SEL1L: variants seen among roughly 807,000 people sequenced by gnomAD.
SEL1L encodes SEL1L adaptor subunit of SYVN1 ubiquitin ligase.
Under a neutral mutation model 109.8 loss-of-function variants are expected in SEL1L, and 52 were observed. That is an observed-to-expected ratio of 0.47 (90% CI 0.38 to 0.60). The LOEUF (loss-of-function observed/expected upper bound fraction) is 0.60, where lower values mean the gene tolerates loss of function less well. Among genes scored for constraint, SEL1L ranks in the 20% least tolerant of loss-of-function variants. The pLI, the probability that SEL1L is intolerant of heterozygous loss-of-function variation, is 0.00. For synonymous variants in SEL1L, 373 were observed against 339.6 expected, an observed-to-expected ratio of 1.10 and a Z score of -1.08; for missense variants, 749 against 962.2, an observed-to-expected ratio of 0.78 and a Z score of 2.93.
chr14:81,515,155 A>C (rs1884649849), intron 3 of SEL1L, among the ~76,000 whole-genome samples: 1 of 151,754 alleles, frequency 6.6e-6, no homozygotes, highest in South Asian at 2.1e-4. Context: ...AGGACCACAA[A>C]CCCCCACAGG....
rs1885167081 is a variant in SEL1L at position 81,527,715 on chromosome 14, A to G, written c.94T>C (p.Ser32Pro). The G allele has an allele frequency of 6.2e-7, 1 of 1,603,838 alleles. No individual in the cohort carries two copies. The highest frequency in any genetic ancestry group is 1.7e-5 in the Admixed American group (1 of 58,614). ...TTAGTACATACCTTGGAATCTAAGG[A>G]TTCATCCTGGCTGCCTTCTTCATCT... The part of the protein sequence containing the change: ...SSDEEGSQDE[S>P]LDSKTTLTSD... The change falls in exon 2 of 21, where the codon TCC (serine) becomes CCC (proline). Residue 32 changes from serine (S) to proline (P), a missense_variant. This residue lies in a region of SEL1L where 366 missense variants were observed against 399.8 expected (regional missense o/e 0.92). Transcript: ENST00000336735.
Position 81,533,631 on chromosome 14 carries a change from G to A in SEL1L, c.70+44C>T, listed in dbSNP as rs368668027. 1.1e-4 allele frequency: 174 copies of A among 1,590,776 alleles called. No homozygotes were observed. In the African/African-American group the frequency reaches 2.1e-3, roughly 19 times the overall value. The stretch of plus-strand genomic sequence containing the variant: ...GGCCCCGCCGGCTGTAGAGGCTGGG[G>A]GGCGGAGGCTCTGGGCCTTCAGCCC... On this transcript the variant is annotated intron_variant, in intron 1 of 20. Coordinates refer to ENST00000336735, the MANE Select transcript of SEL1L (RefSeq NM_005065.6).
In SEL1L at chr14:81,490,447, C is replaced by G. The variant is rs753892288; in HGVS notation, c.1273G>C (p.Asp425His). The change falls in exon 13 of 21, where the codon GAC (aspartate) becomes CAC (histidine). Residue 425 changes from aspartate (D) to histidine (H), a missense_variant. By Grantham distance (81) the Asp-to-His change is moderately conservative. Coordinates refer to ENST00000336735, the MANE Select transcript of SEL1L (RefSeq NM_005065.6). ...FLGKMYSEGS[D>H]IVPQSNETAL... ...GTCTCATTACTCTGAGGTACAATGTCACTTCCTTCCGAATACATCTGGAAA... is the reference window on the plus strand; with the variant it reads ...GTCTCATTACTCTGAGGTACAATGTGACTTCCTTCCGAATACATCTGGAAA... The G allele has an allele frequency of 2.2e-5, 35 of 1,613,540 alleles. No individual in the cohort carries two copies. Among genetic ancestry groups the G allele is most frequent in the Non-Finnish European group, 2.9e-5 (34 of 1,179,600 alleles).
At chr14:81,479,566 C>CCTT in intron 20 of SEL1L, 46 bp downstream of exon 20, 1 of 1,574,026 alleles carries the variant, frequency 6.4e-7, no homozygotes. Flanking sequence ...CCAGGACAGA[C>CCTT]CTTCCATCAT....
rs117715847 is a variant in SEL1L at position 81,531,297 on chromosome 14, C to G, written c.70+2378G>C. On this transcript the variant is annotated intron_variant, in intron 1 of 20. Coordinates refer to ENST00000336735, the MANE Select transcript of SEL1L (RefSeq NM_005065.6). Reference sequence around the variant, plus strand: ...TGTGACTATATCATATTTTTACATGCTTCTAAAACATGATACTAGCTAACA... The same window carrying G: ...TGTGACTATATCATATTTTTACATGGTTCTAAAACATGATACTAGCTAACA... Among the ~76,000 whole-genome samples, 261 of 152,306 alleles carry G rather than the reference C, an allele frequency of 1.7e-3. 2 individuals carry two copies. Among genetic ancestry groups the G allele is most frequent in the East Asian group, 0.016 (83 of 5,188 alleles).
intron 1 of SEL1L, among the ~76,000 whole-genome samples, chr14:81,533,103 C>T (rs917329024): frequency 6.6e-6 from 1 of 152,176 alleles, no homozygotes; most frequent in Non-Finnish European, 1.5e-5. Flanking sequence ...AACTCAGAAA[C>T]ACTGTGACAG....
intron 11 of SEL1L, among the ~76,000 whole-genome samples, chr14:81,494,225 A>C (rs1034363322): frequency 6.6e-6 from 1 of 152,182 alleles, no homozygotes; most frequent in African/African-American, 2.4e-5. Context: ...GTTGCTTAAG[A>C]TATCAGCTCC....
intron 5 of SEL1L, among the ~76,000 whole-genome samples, chr14:81,503,331 AC>A (rs575052888): frequency 2.2e-4 from 33 of 152,012 alleles, no homozygotes; most frequent in African/African-American, 6.5e-4. Flanking sequence ...CATGTAAAAA[AC>A]ATCCCTTTTT....
intron 3 of SEL1L, among the ~76,000 whole-genome samples, chr14:81,517,542 T>G (rs1167563985): frequency 6.6e-6 from 1 of 152,084 alleles, no homozygotes; most frequent in African/African-American, 2.4e-5. Context: ...CCACCTCCCT[T>G]CCTCCACTGC....
Position 81,481,903 on chromosome 14 carries a change from C to A in SEL1L, c.2047-2163G>T, listed in dbSNP as rs544370510. Among the ~76,000 whole-genome samples the A allele has an allele frequency of 2.0e-5, 3 of 152,018 alleles. No individual in the cohort carries two copies. In the South Asian group the frequency reaches 6.2e-4, roughly 32 times the overall value. On this transcript the variant is annotated intron_variant, in intron 19 of 20. Transcript: ENST00000336735. ...AAAATTAGCCGGGCGTGGTGGCAGG[C>A]GCCTGTAATCCCAGCTACTCGGGAG...
chr14:81,492,677 C>A (rs1883593303), intron 11 of SEL1L, 129 bp from the exon 12 acceptor site: 7 of 597,608 alleles, frequency 1.2e-5, no homozygotes, highest in South Asian at 9.5e-5. Context: ...AACAAGAATA[C>A]CCAGTTGCCA....
rs548766514 is a variant in SEL1L at position 81,529,313 on chromosome 14, A to C, written c.71-1575T>G. 1.3e-3 allele frequency among the ~76,000 whole-genome samples: 199 copies of C among 152,324 alleles called. 3 individuals are homozygous for C. The highest frequency in any genetic ancestry group is 2.1e-3 in the Non-Finnish European group (145 of 68,008). On this transcript the variant is annotated intron_variant, in intron 1 of 20. Transcript: ENST00000336735. ...TATAATATATCAAAGTTGTACTGTAAGTATATGTAATTAATCACAAACTTC... is the reference window on the plus strand; with the variant it reads ...TATAATATATCAAAGTTGTACTGTACGTATATGTAATTAATCACAAACTTC...
chr14:81,477,683 G>C (rs1375698085), intron 20 of SEL1L, among the ~76,000 whole-genome samples: 2 of 152,064 alleles, frequency 1.3e-5, no homozygotes, highest in East Asian at 1.9e-4. Context: ...CATGGTGGCG[G>C]GTGCATGTAA....
intron 1 of SEL1L, among the ~76,000 whole-genome samples, chr14:81,530,027 G>A (rs1464969991): frequency 6.6e-6 from 1 of 152,188 alleles, no homozygotes; most frequent in African/African-American, 2.4e-5. Context: ...TTTATTAACT[G>A]TACACCTTCC....
intron 6 of SEL1L, 67 bp from the exon 7 acceptor site, chr14:81,499,729 G>C (rs1883923795): frequency 7.7e-7 from 1 of 1,301,686 alleles, no homozygotes; most frequent in Admixed American, 2.2e-5. Flanking sequence ...GACACAGACA[G>C]ACACAGTTTT....
At chr14:81,524,016 A>AC (rs1885020144) in intron 3 of SEL1L, among the ~76,000 whole-genome samples, 1 of 152,236 alleles carries the variant, frequency 6.6e-6, no homozygotes, top group African/African-American at 2.4e-5. Flanking sequence ...TTTTCATTTC[A>AC]CAACAGTGCA....
At chr14:81,481,323 C>T (rs1351122804) in intron 19 of SEL1L, among the ~76,000 whole-genome samples, 3 of 152,138 alleles carry the variant, frequency 2.0e-5, no homozygotes, top group Non-Finnish European at 4.4e-5. Context: ...AAAAATGACT[C>T]CCCCTCCAAA....
rs200578078 is a variant in SEL1L at position 81,506,216 on chromosome 14, T to G, written c.366A>C (p.Ala122=). Residue 122 remains alanine, a synonymous_variant, in exon 4 of 21, where the codon GCA becomes GCC. Coordinates refer to ENST00000336735, the MANE Select transcript of SEL1L (RefSeq NM_005065.6). ...AAGGGAAGTGGCAGGGCTCCCCATG[T>G]GCTGTGCCTTCAATGGCGGTCAAAG... The part of the protein sequence containing the change: ...KPALTAIEGT[A]HGEPCHFPFL... 6.2e-7 allele frequency: 1 copy of G among 1,607,442 alleles called. No individual in the cohort carries two copies. The highest frequency in any genetic ancestry group is 1.3e-5 in the African/African-American group (1 of 74,638).
At chr14:81,498,553 G>A (rs553723596) in intron 8 of SEL1L, 59 bp from the exon 9 acceptor site, 53 of 1,306,600 alleles carry the variant, frequency 4.1e-5, no homozygotes, top group African/African-American at 1.9e-4. Flanking sequence ...GTCATTCTTC[G>A]TGGAACAAAT....
Sources: gnomAD v4.1 joint callset for allele counts (sites outside exome capture counted in the v4.1 genomes callset) on GRCh38, gnomAD v4.1.1 for gene constraint, gnomAD v4.1.1 regional missense constraint, MANE v1.5 for transcripts, NCBI Gene and HGNC (gene_info 2026-07-23, HGNC 2026-07-21) for gene names.